Variants in SLC4A5 observed in about 807,000 individuals in gnomAD.
SLC4A5 encodes electrogenic sodium bicarbonate cotransporter 4.
In SLC4A5, 96 loss-of-function variants were observed where a neutral mutation model predicts 120.4. The ratio of observed to expected loss-of-function variants is 0.80; its 90% confidence interval spans 0.68 to 0.94. SLC4A5 has a LOEUF of 0.94. SLC4A5 is among the 40% of genes least tolerant of loss of function. The pLI is 0.00. For missense variants in SLC4A5, 1,259 were observed against 1,459.5 expected, an observed-to-expected ratio of 0.86 and a Z score of 2.24; for synonymous variants, 550 against 571.1, an observed-to-expected ratio of 0.96 and a Z score of 0.53.
At chr2:74,300,196 C>G (rs1217958338) in intron 7 of SLC4A5, among the ~76,000 whole-genome samples, 1 of 152,128 alleles carries the variant, frequency 6.6e-6, no homozygotes, top group African/African-American at 2.4e-5. Context: ...ACAGTGTTTA[C>G]CAGGGGTCGG....
At chr2:74,247,079 G>A in exon 19 of SLC4A5, 1 of 1,614,200 alleles carries the variant, frequency 6.2e-7, no homozygotes, top group African/African-American at 1.3e-5. Flanking sequence ...TAGTGATGAA[G>A]TTTGGCTTGA....
chr2:74,247,016 T>A lies in SLC4A5; in HGVS notation c.2059+20A>T. 2 of 1,611,618 alleles carry A rather than the reference T, an allele frequency of 1.2e-6. No individual in the cohort carries two copies. Among genetic ancestry groups the A allele is most frequent in the South Asian group, 2.2e-5 (2 of 90,978 alleles). ...GTGGGGTAGGTGAGGGCCCACGGCA[T>A]GTCTGGGGTTACCGGTCACCTGTGT... On this transcript the variant is annotated intron_variant, in intron 19 of 30. Transcript: ENST00000394019.
At position 74,264,126 on chromosome 2, in the gene SLC4A5, C is replaced by T. The variant is rs753191378; in HGVS notation, c.715+21G>A. 2.5e-6 allele frequency: 4 copies of T among 1,609,114 alleles called. No homozygotes were observed. The East Asian group carries it at 8.9e-5, about 36-fold the overall frequency. ...ACTGGCCCTGCATGTCCCATGCCTA[C>T]CAGCGTAAGGCCTGACTCACTTGTG... On this transcript the variant is annotated intron_variant, in intron 10 of 30. Transcript: ENST00000394019.
At chr2:74,252,721 G>A (rs763392976) in intron 15 of SLC4A5, among the ~76,000 whole-genome samples, 1 of 151,842 alleles carries the variant, frequency 6.6e-6, no homozygotes, top group Non-Finnish European at 1.5e-5. Flanking sequence ...AGAGTAGCAG[G>A]GACTATAGGT....
chr2:74,290,830 C>A (rs957213062), intron 7 of SLC4A5: 6 of 887,880 alleles, frequency 6.8e-6, no homozygotes, highest in African/African-American at 1.8e-5. Context: ...TTACCCCCTT[C>A]CCCATGAGTG....
intron 5 of SLC4A5, among the ~76,000 whole-genome samples, chr2:74,320,735 A>C (rs1673075304): frequency 6.6e-6 from 1 of 152,184 alleles, no homozygotes; most frequent in African/African-American, 2.4e-5. Flanking sequence ...TAGGCAAAGG[A>C]AAGTCACCGG....
chr2:74,332,504 G>A (rs1673386669), intron 4 of SLC4A5, among the ~76,000 whole-genome samples: 1 of 152,016 alleles, frequency 6.6e-6, no homozygotes, highest in Non-Finnish European at 1.5e-5. Context: ...TTCTGGTCTG[G>A]ACATCATAAT....
At chr2:74,285,697 TC>T in intron 8 of SLC4A5, 75 bp downstream of exon 8, 1 of 1,562,556 alleles carries the variant, frequency 6.4e-7, no homozygotes. Context: ...AGGTGCCACT[TC>T]CCACCAGGAG....
rs760065567 is a variant in SLC4A5, at chr2:74,252,148, G to A, written c.1478+31C>T. The A allele has an allele frequency of 8.1e-6, 13 of 1,605,274 alleles. No homozygotes were observed. In the East Asian group the frequency reaches 1.8e-4, roughly 22 times the overall value. ...TGAGAAGGGAGAAGTCTAAAGGACA[G>A]CAGGGTCACTGGGAGGCCTGGGGTG... is the stretch of plus-strand genomic sequence containing the variant. On this transcript the variant is annotated intron_variant, in intron 16 of 30. Transcript: ENST00000394019.
intron 4 of SLC4A5, among the ~76,000 whole-genome samples, chr2:74,331,021 T>A (rs1673353323): frequency 6.9e-6 from 1 of 145,886 alleles, no homozygotes; most frequent in African/African-American, 2.6e-5. Context: ...GGTGGTGAGG[T>A]CTAGATGGAG....
At chr2:74,288,500 T>C (rs1015785587) in intron 7 of SLC4A5, among the ~76,000 whole-genome samples, 10 of 152,200 alleles carry the variant, frequency 6.6e-5, no homozygotes, top group Admixed American at 5.2e-4. Context: ...AAATGTGACT[T>C]ATGGCTCTTA....
At chr2:74,342,599 G>C (rs1374696045) in intron 1 of SLC4A5, 65 bp from the exon 2 acceptor site, 1 of 152,126 alleles carries the variant, frequency 6.6e-6, no homozygotes, top group Non-Finnish European at 1.5e-5. Flanking sequence ...AAGGGCACTG[G>C]GTTTCTAAGT....
rs761718891 is a variant in SLC4A5, at chr2:74,252,286, G to GCCACCA, written c.1365_1370dup (p.Gly456_Gly457dup). On this transcript the variant is annotated inframe_insertion, in exon 16 of 31. Coordinates refer to ENST00000394019, the Ensembl canonical transcript of SLC4A5. ...CGCCACTGCCAGCCCCGCCGCCACT[G>GCCACCA]CCACCACCACCACCACCTCCATTGC... 5.6e-6 allele frequency: 9 copies of GCCACCA among 1,610,968 alleles called. No homozygotes were observed. The Admixed American group carries it at 1.0e-4, about 18-fold the overall frequency.
At chr2:74,217,837 T>G (rs1190618633) in exon 31 of SLC4A5, 2 of 152,228 alleles carry the variant, frequency 1.3e-5, no homozygotes, top group Admixed American at 6.5e-5. Flanking sequence ...GGAGTCTCAC[T>G]CTGTTGCCTA....
rs770565659 is a variant in SLC4A5, at chr2:74,221,504, G to A, written c.3332-3C>T. The A allele has an allele frequency of 6.2e-7, 1 of 1,614,020 alleles. No individual in the cohort carries two copies. Among genetic ancestry groups the A allele is most frequent in the South Asian group, 1.1e-5 (1 of 91,082 alleles). ...ACTCCAACTGGAAGATCTTTTTCCT[G>A]GCAGGAAAATGAAAAATGTCAGATG... On this transcript the variant is annotated splice_region_variant and splice_polypyrimidine_tract_variant and intron_variant, in intron 29 of 30. Coordinates refer to ENST00000394019, the Ensembl canonical transcript of SLC4A5.
At position 74,239,552 on chromosome 2, in the gene SLC4A5, A is replaced by G. The variant is rs1214219530; in HGVS notation, c.2119-17T>C. On this transcript the variant is annotated splice_polypyrimidine_tract_variant and intron_variant, in intron 20 of 30. Coordinates refer to ENST00000394019, the Ensembl canonical transcript of SLC4A5. The stretch of plus-strand genomic sequence containing the variant: ...GAGGTTGTACTTGGAGACCAAGCAC[A>G]GGAGAGAATGGGTCAGCATCTTCCT... 3 of 1,613,008 alleles carry G rather than the reference A, an allele frequency of 1.9e-6. No individual in the cohort carries two copies. The highest frequency in any genetic ancestry group is 1.7e-6 in the Non-Finnish European group (2 of 1,179,320).
chr2:74,273,524 G>A (rs999535334), intron 8 of SLC4A5, among the ~76,000 whole-genome samples: 8 of 151,792 alleles, frequency 5.3e-5, no homozygotes, highest in African/African-American at 9.7e-5. Context: ...CTCCCACCCC[G>A]CCCCATTACC....
exon 21 of SLC4A5, chr2:74,239,530 G>A: frequency 1.2e-6 from 2 of 1,613,910 alleles, no homozygotes; most frequent in Non-Finnish European, 1.7e-6. Flanking sequence ...GGTTAAGGAG[G>A]TTGTACTTGG....
chr2:74,286,409 CT>C (rs1671984757), intron 7 of SLC4A5, among the ~76,000 whole-genome samples: 1 of 152,244 alleles, frequency 6.6e-6, no homozygotes, highest in South Asian at 2.1e-4. Flanking sequence ...AGGCCCCAGC[CT>C]GCTTTCCAGC....
Sources: allele counts gnomAD v4.1 joint callset (sites outside exome capture counted in the v4.1 genomes callset), GRCh38; gene constraint gnomAD v4.1.1; transcripts MANE v1.5; gene names NCBI Gene and HGNC (gene_info 2026-07-23, HGNC 2026-07-21).